NVL: variants seen among roughly 807,000 people sequenced by gnomAD.
NVL encodes the protein nuclear valosin-containing protein-like.
NVL carries 84 observed loss-of-function variants against 110.2 expected under a neutral mutation model. That is an observed-to-expected ratio of 0.76 (90% CI 0.64 to 0.91). NVL has a LOEUF of 0.91. NVL is among the 40% of genes least tolerant of loss of function. NVL has a pLI of 0.00. For missense variants in NVL, 882 were observed against 1,035.9 expected (o/e 0.85, Z 2.04); for synonymous variants, 354 against 361.1 (o/e 0.98, Z 0.22).
chr1:224,231,171 C>A, intron 22 of NVL, 55 bp downstream of exon 22: 2 of 1,153,928 alleles, frequency 1.7e-6, no homozygotes, highest in Non-Finnish European at 1.3e-6. Context: ...GAGGTCATAT[C>A]TACTGGTCTA....
At chr1:224,302,040 T>A (rs1668470952) in intron 9 of NVL, among the ~76,000 whole-genome samples, 2 of 152,160 alleles carry the variant, frequency 1.3e-5, no homozygotes, top group Non-Finnish European at 2.9e-5. Context: ...AGAACTACGA[T>A]TGTGGTACTT....
At chr1:224,309,910 T>C (rs113785688) in intron 5 of NVL, among the ~76,000 whole-genome samples, 11 of 152,024 alleles carry the variant, frequency 7.2e-5, no homozygotes, top group African/African-American at 2.4e-4. Flanking sequence ...CACACCTTAA[T>C]CTCAGCTACT....
intron 4 of NVL, among the ~76,000 whole-genome samples, chr1:224,314,136 G>A (rs1325695461): frequency 1.3e-5 from 2 of 152,150 alleles, no homozygotes; most frequent in African/African-American, 4.8e-5. Flanking sequence ...ATAAACTGAG[G>A]CAACCTTTTT....
At chr1:224,309,425 A>G (rs1029458379) in intron 5 of NVL, among the ~76,000 whole-genome samples, 6 of 152,040 alleles carry the variant, frequency 3.9e-5, no homozygotes, top group African/African-American at 9.7e-5. Flanking sequence ...AGGCTAAGGT[A>G]GGAGGACAAC....
intron 4 of NVL, among the ~76,000 whole-genome samples, 164 bp downstream of exon 4, chr1:224,317,530 T>G (rs914904327): frequency 7.9e-5 from 12 of 152,160 alleles, no homozygotes; most frequent in African/African-American, 2.9e-4. Context: ...CCAAAGAGAA[T>G]TTGATCTCTT....
intron 14 of NVL, among the ~76,000 whole-genome samples, chr1:224,286,439 CA>C (rs1013294790): frequency 6.6e-6 from 1 of 151,994 alleles, no homozygotes; most frequent in African/African-American, 2.4e-5. Flanking sequence ...CTCCTGACCT[CA>C]GGTGATCCAC....
chr1:224,320,372 C>T (rs138280848), intron 2 of NVL, among the ~76,000 whole-genome samples: 195 of 152,248 alleles, frequency 1.3e-3, no homozygotes, highest in African/African-American at 4.4e-3. Flanking sequence ...TCTGTGCCAG[C>T]GCAGTGGCTC....
chr1:224,303,495 C>A, intron 9 of NVL, among the ~76,000 whole-genome samples: 1 of 147,214 alleles, frequency 6.8e-6, no homozygotes, highest in Non-Finnish European at 1.5e-5. Context: ...TAAACAATTA[C>A]ATACATTAAA....
intron 18 of NVL, among the ~76,000 whole-genome samples, chr1:224,250,816 G>A (rs1662389358): frequency 6.6e-6 from 1 of 152,024 alleles, no homozygotes; most frequent in Non-Finnish European, 1.5e-5. Context: ...AAGATGTTTG[G>A]CTGGTTAATT....
chr1:224,257,167 C>T lies in NVL; in HGVS notation c.2183-6849G>A, dbSNP rs139623443. 127 of 508,278 alleles carry T rather than the reference C, an allele frequency of 2.5e-4. 1 individual carries two copies. In the East Asian group the frequency reaches 5.5e-3, roughly 22 times the overall value. 31.5% of individuals were successfully genotyped at this position (508,278 alleles called of 1,614,324 possible). ...ATTCTGATATTTACAATAAAAATGG[C>T]ACTAACAATCCCAGCACTTTAAAGA... is the stretch of plus-strand genomic sequence containing the variant. On this transcript the variant is annotated intron_variant, in intron 18 of 22. Transcript: ENST00000281701.
intron 9 of NVL, among the ~76,000 whole-genome samples, chr1:224,301,141 C>A (rs1467278983): frequency 1.3e-5 from 2 of 151,820 alleles, no homozygotes; most frequent in African/African-American, 4.8e-5. Context: ...CATGCAAACA[C>A]ATTTAAGTGG....
At chr1:224,275,908 G>A (rs1198467356) in intron 16 of NVL, among the ~76,000 whole-genome samples, 4 of 152,132 alleles carry the variant, frequency 2.6e-5, no homozygotes, top group Admixed American at 1.3e-4. Context: ...CTAAATAAAG[G>A]AATAACTATT....
chr1:224,296,439 T>C (rs941062122), intron 11 of NVL, 62 bp downstream of exon 11: 2 of 823,878 alleles, frequency 2.4e-6, no homozygotes, highest in Admixed American at 6.1e-5. Context: ...TATCTTCATG[T>C]ATTAATTACA....
chr1:224,277,807 C>G (rs1432622096), intron 16 of NVL, among the ~76,000 whole-genome samples: 1 of 152,156 alleles, frequency 6.6e-6, no homozygotes, highest in Admixed American at 6.5e-5. Flanking sequence ...TCCCAAGTCC[C>G]ACTCTCACTA....
At chr1:224,255,723 G>A (rs1055050188) in intron 18 of NVL, among the ~76,000 whole-genome samples, 11 of 152,134 alleles carry the variant, frequency 7.2e-5, no homozygotes, top group Admixed American at 5.9e-4. Context: ...TGGCACTTTT[G>A]AAGAGCAGTT....
chr1:224,274,084 G>C (rs1665497258), intron 17 of NVL, among the ~76,000 whole-genome samples: 1 of 110,978 alleles, frequency 9.0e-6, no homozygotes, highest in Admixed American at 9.0e-5. Context: ...AATCACAAAA[G>C]ATTTCCTAGG....
intron 1 of NVL, among the ~76,000 whole-genome samples, chr1:224,328,241 A>C (rs1032641699): frequency 6.6e-6 from 1 of 152,024 alleles, no homozygotes; most frequent in Admixed American, 6.6e-5. Flanking sequence ...TTCCCTTTAA[A>C]AGGATGTCTT....
chr1:224,290,269 T>C (rs1424140679), intron 12 of NVL, among the ~76,000 whole-genome samples: 1 of 152,226 alleles, frequency 6.6e-6, no homozygotes, highest in Non-Finnish European at 1.5e-5. Flanking sequence ...ATGGTATCTA[T>C]AAACATCTGG....
chr1:224,275,593 T>C (rs1665688539), intron 16 of NVL, 135 bp from the exon 17 acceptor site: 3 of 1,100,060 alleles, frequency 2.7e-6, no homozygotes, highest in Non-Finnish European at 3.9e-6. Context: ...ATGAACCATA[T>C]ACAATTGCTG....
Sources: gnomAD v4.1 joint callset for allele counts (sites outside exome capture counted in the v4.1 genomes callset) on GRCh38, gnomAD v4.1.1 for gene constraint, MANE v1.5 for transcripts, NCBI Gene and HGNC (gene_info 2026-07-23, HGNC 2026-07-21) for gene names.